The following TLK1 variants were observed in gnomAD, a reference collection of about 807,000 sequenced individuals.
TLK1 encodes the protein serine/threonine-protein kinase tousled-like 1.
In TLK1, 24 loss-of-function variants were observed where a neutral mutation model predicts 105.3. That is an observed-to-expected ratio of 0.23 (90% confidence interval 0.17 to 0.32). The LOEUF (loss-of-function observed/expected upper bound fraction) is 0.32, where lower values mean the gene tolerates loss of function less well. TLK1 is among the 10% of genes least tolerant of loss of function. The probability of loss-of-function intolerance (pLI) is 1.00; values close to 1 mark genes in which losing one functional copy is unlikely to be tolerated. For missense variants in TLK1, 558 were observed against 910.5 expected, an observed-to-expected ratio of 0.61 and a Z score of 4.98; for synonymous variants, 321 against 310.4, an observed-to-expected ratio of 1.03 and a Z score of -0.36.
intron 1 of TLK1, among the ~76,000 whole-genome samples, chr2:171,214,946 TC>T (rs753786711): frequency 5.3e-5 from 8 of 151,984 alleles, no homozygotes; most frequent in Non-Finnish European, 1.0e-4. Flanking sequence ...TCAACTCTTT[TC>T]TTTTTTTTTT....
At chr2:171,191,935 C>T (rs1693162427) in intron 1 of TLK1, among the ~76,000 whole-genome samples, 1 of 151,984 alleles carries the variant, frequency 6.6e-6, no homozygotes, top group African/African-American at 2.4e-5. Flanking sequence ...TTTGAGAGGT[C>T]CAGATTTAAT....
At chr2:171,015,414 A>AC (rs1685127393) in intron 12 of TLK1, among the ~76,000 whole-genome samples, 1 of 100,668 alleles carries the variant, frequency 9.9e-6, no homozygotes, top group Non-Finnish European at 1.9e-5. Context: ...TTTGGAGTAC[A>AC]AACACACACA....
chr2:171,156,069 T>C (rs1692220901), intron 1 of TLK1, among the ~76,000 whole-genome samples: 2 of 152,186 alleles, frequency 1.3e-5, no homozygotes, highest in African/African-American at 4.8e-5. Flanking sequence ...TGCTTTCACA[T>C]TGTCAGTAAC....
At chr2:171,169,989 C>T (rs58844204) in intron 1 of TLK1, among the ~76,000 whole-genome samples, 1 of 152,068 alleles carries the variant, frequency 6.6e-6, no homozygotes, top group East Asian at 1.9e-4. Context: ...AAAACTAAGT[C>T]TGCAGAGCAA....
At chr2:171,134,879 G>A (rs894615293) in intron 1 of TLK1, among the ~76,000 whole-genome samples, 2 of 151,898 alleles carry the variant, frequency 1.3e-5, no homozygotes, top group African/African-American at 2.4e-5. Context: ...AGGATTACAG[G>A]CATGTGCCAC....
chr2:171,081,449 T>G (rs1688749944), intron 3 of TLK1, among the ~76,000 whole-genome samples: 1 of 152,214 alleles, frequency 6.6e-6, no homozygotes, highest in Non-Finnish European at 1.5e-5. Context: ...TTACTAAATA[T>G]TCCCAATTCT....
chr2:171,006,498 T>C lies in TLK1; in HGVS notation c.1744A>G (p.Ile582Val), dbSNP rs1467935758. The C allele has an allele frequency of 4.3e-6, 7 of 1,610,726 alleles. No individual in the cohort carries two copies. Among genetic ancestry groups the C allele is most frequent in the Non-Finnish European group, 5.9e-6 (7 of 1,178,858 alleles). ...LRYLNEIKPP[I>V]IHYDLKPGNI... ...CCTGGCTTAAGATCATAATGTATAA[T>C]AGGGGGTTTGATCTCATTGAGATAT... Residue 582 changes from isoleucine (I) to valine (V), a missense_variant, in exon 17 of 21, where the codon ATT becomes GTT. By Grantham distance (29) the Ile-to-Val change is conservative. This residue lies in a region of TLK1 where 218 missense variants were observed against 492.9 expected (regional missense o/e 0.44). Coordinates refer to ENST00000431350, the MANE Select transcript of TLK1 (RefSeq NM_012290.5).
At chr2:171,022,324 G>A (rs1685567113) in intron 12 of TLK1, among the ~76,000 whole-genome samples, 1 of 152,012 alleles carries the variant, frequency 6.6e-6, no homozygotes, top group South Asian at 2.1e-4. Context: ...TCTCACCACA[G>A]TCATCTTTTT....
At chr2:171,155,154 CATT>C (rs900215278) in intron 1 of TLK1, among the ~76,000 whole-genome samples, 3 of 152,096 alleles carry the variant, frequency 2.0e-5, no homozygotes, top group African/African-American at 7.2e-5. Flanking sequence ...GCTTTAAAAA[CATT>C]AGAATAACTT....
At chr2:171,121,838 C>T (rs1690667908) in intron 1 of TLK1, among the ~76,000 whole-genome samples, 1 of 152,188 alleles carries the variant, frequency 6.6e-6, no homozygotes, top group Non-Finnish European at 1.5e-5. Flanking sequence ...GACCTCAACC[C>T]TCTTCATGAG....
At chr2:171,034,935 C>T (rs1686248697) in intron 11 of TLK1, among the ~76,000 whole-genome samples, 1 of 151,986 alleles carries the variant, frequency 6.6e-6, no homozygotes, top group Admixed American at 6.6e-5. Context: ...TCTTGAATTC[C>T]CACGTGTTGT....
At chr2:171,054,990 C>T (rs1487626025) in intron 7 of TLK1, 93 bp downstream of exon 7, 1 of 640,308 alleles carries the variant, frequency 1.6e-6, no homozygotes, top group Admixed American at 3.9e-5. Flanking sequence ...TGCTTTATGA[C>T]TACATATAAA....
chr2:171,153,276 A>G (rs1269462190), intron 1 of TLK1, among the ~76,000 whole-genome samples: 4 of 152,236 alleles, frequency 2.6e-5, no homozygotes, highest in African/African-American at 9.6e-5. Flanking sequence ...TGGGAATAAC[A>G]ACTGTATGTA....
intron 1 of TLK1, among the ~76,000 whole-genome samples, chr2:171,127,091 CATG>C (rs1690897658): frequency 1.3e-5 from 2 of 151,810 alleles, no homozygotes; most frequent in Non-Finnish European, 2.9e-5. Context: ...GCCTGGTAAA[CATG>C]GTGAAACCCC....
chr2:171,086,634 CAAACAAAAAAAAA>C (rs1688988274), intron 2 of TLK1, among the ~76,000 whole-genome samples: 1 of 90,006 alleles, frequency 1.1e-5, no homozygotes, highest in Non-Finnish European at 2.5e-5. Flanking sequence ...TCAAAAAAAA[CAAACAAAAAAAAA>C]AAACAGAAAA....
In TLK1 at chr2:171,160,452, CT is replaced by C. The variant is rs775901834; in HGVS notation, c.-25del. 4.4e-6 allele frequency: 7 copies of C among 1,586,146 alleles called. No individual in the cohort carries two copies. Among genetic ancestry groups the C allele is most frequent in the Admixed American group, 3.6e-5 (2 of 56,164 alleles). On this transcript the variant is annotated 5_prime_UTR_variant, in exon 1 of 21. It introduces an in-frame stop codon into an upstream open reading frame of the 5' UTR. Coordinates refer to ENST00000431350, the MANE Select transcript of TLK1 (RefSeq NM_012290.5). The surrounding 1 kb of genome is among the most constrained non-coding windows in gnomAD (Gnocchi z 4.4). ...ATCAAGCTACTTTCTGGGAACCCGA[CT>C]CCCCCCCTGCGACGGCAGCGGCGGC... is the stretch of plus-strand genomic sequence containing the variant.
At chr2:171,095,976 T>C (rs1689435172) in intron 2 of TLK1, among the ~76,000 whole-genome samples, 1 of 151,860 alleles carries the variant, frequency 6.6e-6, no homozygotes. Context: ...AAGCCCATTC[T>C]CACCACTGCT....
chr2:171,187,515 T>A (rs1693055323), intron 1 of TLK1, among the ~76,000 whole-genome samples: 1 of 152,220 alleles, frequency 6.6e-6, no homozygotes, highest in Admixed American at 6.5e-5. Context: ...AATGAGCACT[T>A]ACAGTCTTTA....
intron 10 of TLK1, 22 bp downstream of exon 10, chr2:171,049,792 T>G (rs1558908368): frequency 1.2e-6 from 2 of 1,611,470 alleles, no homozygotes; most frequent in African/African-American, 2.7e-5. Context: ...CTAAAAACTT[T>G]TAAATGTTAA....
Sources: gnomAD v4.1 joint callset for allele counts (sites outside exome capture counted in the v4.1 genomes callset) on GRCh38, gnomAD v4.1.1 for gene constraint, gnomAD v4.1.1 regional missense constraint, Gnocchi (gnomAD v3.1) non-coding constraint, MANE v1.5 for transcripts, NCBI Gene and HGNC (gene_info 2026-07-23, HGNC 2026-07-21) for gene names.